OR2L13: variants seen among roughly 807,000 people sequenced by gnomAD.
OR2L13 encodes olfactory receptor 2L13.
In OR2L13, 14 loss-of-function variants were observed where a neutral mutation model predicts 15.3. That is an observed-to-expected ratio of 0.91 (90% CI 0.60 to 1.43). The LOEUF is 1.43. Among genes scored for constraint, OR2L13 ranks in the 40% most tolerant of loss-of-function variants. The pLI, the probability that OR2L13 is intolerant of heterozygous loss-of-function variation, is 0.00. For missense variants in OR2L13, 367 were observed against 387.9 expected (o/e 0.95, Z 0.45); for synonymous variants, 152 against 142.9 (o/e 1.06, Z -0.45).
chr1:247,999,251 G>A, the OR2L13 span, among the ~76,000 whole-genome samples: 7 of 152,106 alleles, frequency 4.6e-5, no homozygotes, highest in Admixed American at 6.6e-5. Context: ...AACTTACCCA[G>A]TGAAGCAGAG....
the OR2L13 span, among the ~76,000 whole-genome samples, chr1:247,940,872 A>G: frequency 6.6e-6 from 1 of 152,172 alleles, no homozygotes; most frequent in Non-Finnish European, 1.5e-5. Flanking sequence ...CCAACAGCAT[A>G]TAAGAATTCC....
At chr1:248,045,959 A>C in the OR2L13 span, 1 of 152,068 alleles carries the variant, frequency 6.6e-6, no homozygotes, top group Non-Finnish European at 1.5e-5. Context: ...ACAATTTATC[A>C]ATCAATACAT....
the OR2L13 span, among the ~76,000 whole-genome samples, chr1:248,086,127 G>C: frequency 6.6e-6 from 1 of 152,092 alleles, no homozygotes; most frequent in Non-Finnish European, 1.5e-5. Flanking sequence ...TAATTTTTTA[G>C]TTTAGATCAT....
the OR2L13 span, among the ~76,000 whole-genome samples, chr1:248,075,756 C>T: frequency 6.6e-6 from 1 of 152,132 alleles, no homozygotes; most frequent in African/African-American, 2.4e-5. Flanking sequence ...GATATTAGCC[C>T]TTTGTCAGAT....
chr1:248,058,443 T>C, the OR2L13 span, among the ~76,000 whole-genome samples: 1 of 152,170 alleles, frequency 6.6e-6, no homozygotes, highest in Non-Finnish European at 1.5e-5. Flanking sequence ...TTACACCTTA[T>C]GTCTGCACCA....
At chr1:248,022,790 C>T in the OR2L13 span, 203 of 1,613,896 alleles carry the variant, frequency 1.3e-4, 3 homozygotes, top group South Asian at 2.0e-3. Context: ...CCATCCTCAC[C>T]CCAATGCTCA....
At chr1:248,025,792 C>T in the OR2L13 span, among the ~76,000 whole-genome samples, 5 of 151,812 alleles carry the variant, frequency 3.3e-5, no homozygotes, top group African/African-American at 7.3e-5. Flanking sequence ...AGTTCATGTC[C>T]TTTGTAGGGA....
At chr1:247,982,541 G>A in the OR2L13 span, among the ~76,000 whole-genome samples, 3 of 152,154 alleles carry the variant, frequency 2.0e-5, no homozygotes, top group Non-Finnish European at 4.4e-5. Context: ...GCACTGTTTG[G>A]AGAATTTTAA....
At chr1:248,072,459 C>T in the OR2L13 span, among the ~76,000 whole-genome samples, 46 of 152,106 alleles carry the variant, frequency 3.0e-4, no homozygotes, top group Non-Finnish European at 5.3e-4. Flanking sequence ...TTCCTTACAC[C>T]TTATACAAAA....
the OR2L13 span, among the ~76,000 whole-genome samples, chr1:247,981,467 C>T: frequency 6.6e-6 from 1 of 152,138 alleles, no homozygotes; most frequent in Non-Finnish European, 1.5e-5. Flanking sequence ...TTTGTTTTTA[C>T]ATCCAATTTG....
the OR2L13 span, among the ~76,000 whole-genome samples, chr1:248,049,944 A>C: frequency 6.6e-6 from 1 of 152,186 alleles, no homozygotes; most frequent in Non-Finnish European, 1.5e-5. Flanking sequence ...GTGTTTGTGG[A>C]TCTAGAGGAG....
chr1:248,044,035 A>G, the OR2L13 span, among the ~76,000 whole-genome samples: 4 of 152,178 alleles, frequency 2.6e-5, no homozygotes, highest in Non-Finnish European at 5.9e-5. Context: ...CTTAGCCGTA[A>G]ACATCTAAAG....
the OR2L13 span, chr1:248,062,096 T>C: frequency 6.4e-6 from 1 of 156,624 alleles, no homozygotes; most frequent in South Asian, 1.9e-4. Flanking sequence ...AACGTACCAA[T>C]TACTCATTCT....
At chr1:247,939,157 G>T in the OR2L13 span, 2 of 152,150 alleles carry the variant, frequency 1.3e-5, no homozygotes, top group African/African-American at 4.8e-5. Context: ...TTAATAAACT[G>T]CTACCTGGCT....
chr1:247,949,877 C>G, the OR2L13 span: 2 of 1,165,314 alleles, frequency 1.7e-6, no homozygotes, highest in Admixed American at 2.6e-5. Flanking sequence ...TATGTCCTTC[C>G]TAGAGTGCAG....
the OR2L13 span, among the ~76,000 whole-genome samples, chr1:248,080,924 A>G: frequency 6.6e-6 from 1 of 152,280 alleles, no homozygotes; most frequent in African/African-American, 2.4e-5. Flanking sequence ...AACTTCGTAT[A>G]TTCAAAGTAA....
chr1:247,943,007 G>A, the OR2L13 span, among the ~76,000 whole-genome samples: 1 of 152,052 alleles, frequency 6.6e-6, no homozygotes, highest in Non-Finnish European at 1.5e-5. Flanking sequence ...ATTTCGCTTA[G>A]CATAATATAT....
chr1:248,034,217 G>A, the OR2L13 span, among the ~76,000 whole-genome samples: 1 of 152,236 alleles, frequency 6.6e-6, no homozygotes, highest in South Asian at 2.1e-4. Flanking sequence ...TCAATATTGT[G>A]AAAATGACCA....
the OR2L13 span, among the ~76,000 whole-genome samples, chr1:247,992,641 C>G: frequency 6.6e-6 from 1 of 152,152 alleles, no homozygotes; most frequent in Non-Finnish European, 1.5e-5. Context: ...TTTGTTCTTC[C>G]TCAGTCAATT....
Sources: gnomAD v4.1 joint callset for allele counts (sites outside exome capture counted in the v4.1 genomes callset) on GRCh38, gnomAD v4.1.1 for gene constraint, MANE v1.5 for transcripts, NCBI Gene and HGNC (gene_info 2026-07-23, HGNC 2026-07-21) for gene names.